The following MAST4 variants were observed in gnomAD, a reference collection of about 807,000 sequenced individuals.
MAST4 encodes the protein microtubule-associated serine/threonine-protein kinase 4.
In MAST4, 89 loss-of-function variants were observed where a neutral mutation model predicts 162.7. The observed-to-expected ratio is 0.55, with a 90% CI of 0.46 to 0.65. MAST4 has a LOEUF of 0.65. Ranked by LOEUF, MAST4 falls within the 30% of genes least tolerant of loss-of-function variation. MAST4 has a pLI of 0.00. For synonymous variants in MAST4, 1,479 were observed against 1,361.1 expected (o/e 1.09, Z -1.91); for missense variants, 3,153 against 3,374.0 (o/e 0.93, Z 1.62).
At chr5:66,957,414 C>A (rs527719994) in intron 4 of MAST4, among the ~76,000 whole-genome samples, 86 of 152,150 alleles carry the variant, frequency 5.7e-4, no homozygotes, top group African/African-American at 2.0e-3. Flanking sequence ...GGACTCAAAC[C>A]GTCTTCCCGC....
chr5:66,620,853 G>A (rs1744031402), intron 1 of MAST4, among the ~76,000 whole-genome samples: 2 of 151,912 alleles, frequency 1.3e-5, no homozygotes, highest in African/African-American at 2.4e-5. Flanking sequence ...CAAAAGTGGA[G>A]GATTGTGACT....
chr5:67,076,908 CTAAG>C (rs955851111), intron 5 of MAST4, among the ~76,000 whole-genome samples: 42 of 152,318 alleles, frequency 2.8e-4, no homozygotes, highest in African/African-American at 9.9e-4. Flanking sequence ...CCCAGATCTA[CTAAG>C]TAAGTAACTG....
At chr5:66,897,470 G>T (rs903746953) in intron 3 of MAST4, among the ~76,000 whole-genome samples, 2 of 152,216 alleles carry the variant, frequency 1.3e-5, no homozygotes, top group Non-Finnish European at 2.9e-5. Context: ...CCCCGCGCAG[G>T]CTGCAACCGC....
intron 1 of MAST4, among the ~76,000 whole-genome samples, chr5:66,632,092 A>C (rs1744830127): frequency 6.6e-6 from 1 of 152,144 alleles, no homozygotes; most frequent in Non-Finnish European, 1.5e-5. Context: ...TCCTGGGAAA[A>C]ATCCTTAAAA....
Position 66,772,697 on chromosome 5 carries a change from G to A in MAST4, c.517+12835G>A, listed in dbSNP as rs138400264. On this transcript the variant is annotated intron_variant, in intron 2 of 28. Transcript: ENST00000403625. ...TGCCATCTTTTACTGCTGTTTTAGG[G>A]TGTAAATGGAAGGACGTGAACTGGA... Among the ~76,000 whole-genome samples, 216 of 152,300 alleles carry A rather than the reference G, an allele frequency of 1.4e-3. 2 individuals carry two copies. In the East Asian group the frequency reaches 0.015, roughly 11 times the overall value.
chr5:67,096,099 C>T (rs1764438488), intron 7 of MAST4, among the ~76,000 whole-genome samples: 1 of 151,172 alleles, frequency 6.6e-6, no homozygotes, highest in South Asian at 2.1e-4. Flanking sequence ...TTTCTTTCTC[C>T]TTCAAAGAAA....
chr5:66,983,412 G>A (rs1196667707), intron 4 of MAST4, among the ~76,000 whole-genome samples: 1 of 152,134 alleles, frequency 6.6e-6, no homozygotes, highest in Non-Finnish European at 1.5e-5. Context: ...CTAGAATTTG[G>A]GATTCTGCTT....
intron 5 of MAST4, among the ~76,000 whole-genome samples, chr5:67,082,574 A>C (rs1240847286): frequency 6.6e-6 from 1 of 152,240 alleles, no homozygotes; most frequent in South Asian, 2.1e-4. Flanking sequence ...AGAGAAGAGA[A>C]TAGCTCTAAA....
chr5:66,774,096 C>G (rs1412653095), intron 2 of MAST4, among the ~76,000 whole-genome samples: 1 of 152,162 alleles, frequency 6.6e-6, no homozygotes, highest in African/African-American at 2.4e-5. Context: ...TATTTTTGCC[C>G]TTAATTACTC....
chr5:67,162,703 T>G lies in MAST4; in HGVS notation c.3882T>G (p.Gly1294=). The change falls in exon 28 of 29, where the codon GGT becomes GGG. Residue 1294 remains glycine (G), a synonymous_variant. Transcript: ENST00000403625. Reference sequence around the variant, plus strand: ...GCTTGAACAGATCCCTGTCATCGGGTGAGAGCCTCCCAGGTTCCCCCACTC... The same window carrying G: ...GCTTGAACAGATCCCTGTCATCGGGGGAGAGCCTCCCAGGTTCCCCCACTC... ...FSCLNRSLSS[G]ESLPGSPTHS... is the part of the protein sequence containing the mutation. 1 of 1,613,846 alleles carries G rather than the reference T, an allele frequency of 6.2e-7. No homozygotes were observed. The highest frequency in any genetic ancestry group is 8.5e-7 in the Non-Finnish European group (1 of 1,179,856).
intron 1 of MAST4, among the ~76,000 whole-genome samples, chr5:66,716,247 A>G (rs901321953): frequency 2.0e-5 from 3 of 152,190 alleles, no homozygotes; most frequent in Non-Finnish European, 4.4e-5. Context: ...TTCATTTTAA[A>G]ATTTCATTAT....
intron 4 of MAST4, chr5:66,902,666 G>A (rs952638814): frequency 6.4e-6 from 3 of 470,242 alleles, no homozygotes; most frequent in African/African-American, 2.0e-5. Flanking sequence ...AGCAGTGATT[G>A]TGACTGGGTA....
chr5:67,060,475 A>AT (rs71610552), intron 5 of MAST4, among the ~76,000 whole-genome samples: 29,586 of 120,548 alleles, frequency 0.25, 4,467 homozygotes, highest in African/African-American at 0.34. Context: ...GAGTATCACA[A>AT]TTTTTTTTTT....
At chr5:66,864,858 A>T (rs1760385490) in intron 3 of MAST4, among the ~76,000 whole-genome samples, 1 of 152,210 alleles carries the variant, frequency 6.6e-6, no homozygotes. Flanking sequence ...CCAGTTTATG[A>T]TACTGTGTTA....
intron 1 of MAST4, among the ~76,000 whole-genome samples, chr5:66,662,162 A>G (rs1452263840): frequency 6.6e-6 from 1 of 151,980 alleles, no homozygotes; most frequent in East Asian, 1.9e-4. Flanking sequence ...CTCTGCCTTC[A>G]TAGAGCTTGA....
chr5:66,883,752 A>G (rs1404524096), intron 3 of MAST4, among the ~76,000 whole-genome samples: 1 of 151,160 alleles, frequency 6.6e-6, no homozygotes, highest in Non-Finnish European at 1.5e-5. Context: ...ACATGGTAAC[A>G]CTCCTTATTT....
At chr5:66,974,349 A>G (rs1285793688) in intron 4 of MAST4, among the ~76,000 whole-genome samples, 1 of 152,188 alleles carries the variant, frequency 6.6e-6, no homozygotes, top group Non-Finnish European at 1.5e-5. Flanking sequence ...GAATGAACGA[A>G]TTCATCCCCA....
chr5:67,114,040 A>G (rs1054872630), intron 11 of MAST4, 47 bp from the exon 12 acceptor site: 1 of 1,609,422 alleles, frequency 6.2e-7, no homozygotes, highest in Non-Finnish European at 8.5e-7. Flanking sequence ...AAAACCTCAG[A>G]CAATTTTGGC....
rs966066842 is a variant in MAST4, at chr5:67,167,510, T to G, written c.*459T>G. On this transcript the variant is annotated 3_prime_UTR_variant, in exon 29 of 29. Transcript: ENST00000403625. ...TGTGTGAACAGAGATACACCCATAT[T>G]CGTGTATATACACATCCACCTACAT... 1.3e-5 allele frequency: 2 copies of G among 152,922 alleles called. No homozygotes were observed. The highest frequency in any genetic ancestry group is 4.8e-5 in the African/African-American group (2 of 41,474). The allele number at this position is 152,922 out of a possible 1,614,324, so 9.5% of individuals were successfully genotyped here.
Sources: gnomAD v4.1 joint callset for allele counts (sites outside exome capture counted in the v4.1 genomes callset) on GRCh38, gnomAD v4.1.1 for gene constraint, MANE v1.5 for transcripts, NCBI Gene and HGNC (gene_info 2026-07-23, HGNC 2026-07-21) for gene names.